PSMA5: variants seen among roughly 807,000 people sequenced by gnomAD.
The protein encoded by PSMA5 is proteasome subunit alpha type-5.
PSMA5 carries 3 observed loss-of-function variants against 34.5 expected under a neutral mutation model. That is an observed-to-expected ratio of 0.09 (90% CI 0.04 to 0.22). The LOEUF is 0.22. PSMA5 is among the 10% of genes least tolerant of loss of function. The pLI, the probability that PSMA5 is intolerant of heterozygous loss-of-function variation, is 1.00. For synonymous variants in PSMA5, 88 were observed against 95.8 expected (o/e 0.92, Z 0.47); for missense variants, 120 against 286.1 (o/e 0.42, Z 4.19).
At position 109,415,258 on chromosome 1, in the gene PSMA5, C is replaced by T. The variant is rs1325821187; in HGVS notation, c.202G>A (p.Val68Ile). 4.3e-6 allele frequency: 7 copies of T among 1,613,770 alleles called. No individual in the cohort carries two copies. Among genetic ancestry groups the T allele is most frequent in the Non-Finnish European group, 5.1e-6 (6 of 1,179,752 alleles). The change falls in exon 3 of 9, where the codon GTA becomes ATA. Residue 68 changes from valine to isoleucine, a missense_variant. Val to Ile is a conservative substitution (Grantham distance 29). Around this residue, in one of 3 missense-constraint regions of PSMA5, gnomAD observed 20 missense variants for 19.4 expected, o/e 1.03. Coordinates refer to ENST00000271308, the MANE Select transcript of PSMA5 (RefSeq NM_002790.4). ...LMEPSSIEKI[V>I]EIDAHIGCAM... The stretch of plus-strand genomic sequence containing the variant: ...TTACCTATGTGAGCATCAATCTCTA[C>T]AATTTTCTCAATGCTGCTGGGCTCC...
rs570325742 is a variant in PSMA5, at chr1:109,416,304, C to T, written c.97-941G>A. ...ACTGCCTATAATATATCCAAATAAA[C>T]TTCCAGAGCCTTCATATCCTGATGC... On this transcript the variant is annotated intron_variant, in intron 2 of 8. Transcript: ENST00000271308. Among the ~76,000 whole-genome samples, 17 of 152,244 alleles carry T rather than the reference C, an allele frequency of 1.1e-4. 1 individual carries two copies. In the South Asian group the frequency reaches 3.5e-3, roughly 32 times the overall value.
Position 109,399,903 on chromosome 1 carries a change from TTTATC to T in PSMA5, c.*2105_*2109del, listed in dbSNP as rs1371373754. On this transcript the variant is annotated 3_prime_UTR_variant, in exon 9 of 9. Coordinates refer to ENST00000271308, the MANE Select transcript of PSMA5 (RefSeq NM_002790.4). ...ACCTTATTTGCAGGACTAAAGTAAATTTATCTTATTACTAAAAACCGTACCTTTCT... is the reference window on the plus strand; with the variant it reads ...ACCTTATTTGCAGGACTAAAGTAAATTTATTACTAAAAACCGTACCTTTCT... 5 of 152,196 alleles carry T rather than the reference TTTATC, an allele frequency of 3.3e-5. No individual in the cohort carries two copies. Among genetic ancestry groups the T allele is most frequent in the African/African-American group, 1.2e-4 (5 of 41,446 alleles). 9.4% of individuals were successfully genotyped at this position (152,196 alleles called of 1,614,324 possible).
chr1:109,407,066 C>CA (rs1653796043), intron 8 of PSMA5, among the ~76,000 whole-genome samples: 1 of 152,164 alleles, frequency 6.6e-6, no homozygotes, highest in Non-Finnish European at 1.5e-5. Context: ...CGGCTCACTG[C>CA]AAGCTCCGCC....
At chr1:109,403,652 A>T (rs2100951370) in intron 8 of PSMA5, among the ~76,000 whole-genome samples, 1 of 152,096 alleles carries the variant, frequency 6.6e-6, no homozygotes, top group South Asian at 2.1e-4. Context: ...AATTAATAAT[A>T]ATTTTTTAAA....
At chr1:109,421,590 TAA>T (rs1378731860) in intron 2 of PSMA5, among the ~76,000 whole-genome samples, 1 of 152,068 alleles carries the variant, frequency 6.6e-6, no homozygotes, top group Non-Finnish European at 1.5e-5. Context: ...TCTTTATAGC[TAA>T]GAGGATCAAA....
chr1:109,413,395 G>T (rs1192606851), intron 3 of PSMA5, among the ~76,000 whole-genome samples: 1 of 152,148 alleles, frequency 6.6e-6, no homozygotes, highest in Non-Finnish European at 1.5e-5. Flanking sequence ...AACCAAACAT[G>T]AATTTCCACA....
At chr1:109,406,915 G>C (rs113894719) in intron 8 of PSMA5, among the ~76,000 whole-genome samples, 1,773 of 152,264 alleles carry the variant, frequency 0.012, 12 homozygotes, top group Non-Finnish European at 0.016. Flanking sequence ...TTCATTGAAA[G>C]TAAGGACACT....
At chr1:109,406,181 T>C (rs1247216126) in intron 8 of PSMA5, among the ~76,000 whole-genome samples, 2 of 152,196 alleles carry the variant, frequency 1.3e-5, no homozygotes, top group African/African-American at 4.8e-5. Flanking sequence ...CCATGAAATC[T>C]GACAAATAAG....
rs1034390247 is a variant in PSMA5 at position 109,400,735 on chromosome 1, A to G, written c.*1278T>C. The G allele has an allele frequency of 9.2e-5, 14 of 152,218 alleles. No individual in the cohort carries two copies. Among genetic ancestry groups the G allele is most frequent in the African/African-American group, 3.1e-4 (13 of 41,452 alleles). 9.4% of individuals were successfully genotyped at this position (152,218 alleles called of 1,614,324 possible). On this transcript the variant is annotated 3_prime_UTR_variant, in exon 9 of 9. Transcript: ENST00000271308. ...TTTTGTTGAACTACAGTATGGATTT[A>G]GTATGAATTCAGCCTATCCAAATAG...
intron 2 of PSMA5, among the ~76,000 whole-genome samples, chr1:109,417,572 T>C (rs1654264503): frequency 6.6e-6 from 1 of 152,162 alleles, no homozygotes; most frequent in African/African-American, 2.4e-5. Context: ...AAATAGAGCG[T>C]CTTTGGATTG....
chr1:109,406,127 A>G (rs1400937041), intron 8 of PSMA5, among the ~76,000 whole-genome samples: 2 of 152,208 alleles, frequency 1.3e-5, no homozygotes, highest in African/African-American at 4.8e-5. Context: ...GTCAAATCTG[A>G]GGTGAATCCT....
intron 1 of PSMA5, 75 bp from the exon 2 acceptor site, chr1:109,422,001 C>T (rs779319499): frequency 2.9e-5 from 25 of 875,362 alleles, no homozygotes; most frequent in Non-Finnish European, 3.8e-5. Context: ...AGTTCCTTGA[C>T]AACTAGCTCA....
chr1:109,426,252 C>T (rs751251642), intron 1 of PSMA5, 50 bp downstream of exon 1: 77 of 1,608,710 alleles, frequency 4.8e-5, no homozygotes, highest in African/African-American at 8.0e-5. Context: ...GGCCAGGTCC[C>T]GGGCCTGCCC....
chr1:109,408,968 G>A (rs1323990676), intron 8 of PSMA5, among the ~76,000 whole-genome samples: 1 of 152,018 alleles, frequency 6.6e-6, no homozygotes, highest in Non-Finnish European at 1.5e-5. Context: ...TGGGATTACA[G>A]GCCACTGCGC....
intron 4 of PSMA5, chr1:109,412,493 C>T (rs1654031668): frequency 3.8e-6 from 1 of 260,510 alleles, no homozygotes; most frequent in African/African-American, 2.2e-5. Flanking sequence ...CTCAAAGACT[C>T]TAGCTTATTC....
At chr1:109,402,183 T>C in intron 8 of PSMA5, 93 bp from the exon 9 acceptor site, 1 of 878,846 alleles carries the variant, frequency 1.1e-6, no homozygotes, top group Non-Finnish European at 1.8e-6. Flanking sequence ...GTGATGCAGC[T>C]ATTCATTAGG....
chr1:109,421,540 A>G (rs1490787245), intron 2 of PSMA5, among the ~76,000 whole-genome samples: 1 of 152,182 alleles, frequency 6.6e-6, no homozygotes, highest in Admixed American at 6.5e-5. Context: ...AACAAAACAG[A>G]AAAAGTAATA....
chr1:109,403,461 C>CA lies in PSMA5; in HGVS notation c.649-1372dup, dbSNP rs1207531175. 8.0e-3 allele frequency among the ~76,000 whole-genome samples: 1,144 copies of CA among 142,468 alleles called. 21 individuals carry two copies. Among genetic ancestry groups the CA allele is most frequent in the African/African-American group, 0.028 (1,070 of 38,600 alleles). The allele number at this position is 142,468 out of a possible 152,430, so 93.5% of individuals were successfully genotyped here. On this transcript the variant is annotated intron_variant, in intron 8 of 8. Transcript: ENST00000271308. ...CAACACAGGGAGACCCCGTGTCTAC[C>CA]AAAAAAAAAAAACCCCAAAAACTAG...
intron 6 of PSMA5, 133 bp from the exon 7 acceptor site, chr1:109,411,246 A>G: frequency 1.6e-6 from 1 of 614,498 alleles, no homozygotes. Context: ...TGAGGCACAG[A>G]TCTAAAAGAT....
Sources: gnomAD v4.1 joint callset for allele counts (sites outside exome capture counted in the v4.1 genomes callset) on GRCh38, gnomAD v4.1.1 for gene constraint, gnomAD v4.1.1 regional missense constraint, MANE v1.5 for transcripts, NCBI Gene and HGNC (gene_info 2026-07-23, HGNC 2026-07-21) for gene names.